EGLN3: variants seen among roughly 807,000 people sequenced by gnomAD.
The protein encoded by EGLN3 is prolyl hydroxylase EGLN3.
A neutral mutation model predicts 26.0 loss-of-function variants in EGLN3; 15 were observed. The observed-to-expected ratio is 0.58, with a 90% CI of 0.39 to 0.89. EGLN3 has a LOEUF of 0.89. Ranked by LOEUF, EGLN3 falls within the 40% of genes least tolerant of loss-of-function variation. The pLI, the probability that EGLN3 is intolerant of heterozygous loss-of-function variation, is 0.00. For missense variants in EGLN3, 238 were observed against 311.6 expected (o/e 0.76, Z 1.78); for synonymous variants, 147 against 127.2 (o/e 1.16, Z -1.05).
At chr14:33,936,758 G>T (rs1363275308) in intron 1 of EGLN3, among the ~76,000 whole-genome samples, 1 of 138,266 alleles carries the variant, frequency 7.2e-6, no homozygotes, top group Non-Finnish European at 1.6e-5. Flanking sequence ...CATACTGGAG[G>T]AAAGGCTGGA....
At chr14:33,936,781 C>G (rs1199613670) in intron 1 of EGLN3, among the ~76,000 whole-genome samples, 1 of 145,428 alleles carries the variant, frequency 6.9e-6, no homozygotes, top group Non-Finnish European at 1.5e-5. Context: ...AAAAAAAAAA[C>G]AAAACCTGAA....
intron 1 of EGLN3, chr14:33,949,457 C>T (rs1289389627): frequency 6.6e-6 from 1 of 152,256 alleles, no homozygotes; most frequent in African/African-American, 2.4e-5. Context: ...CTGAACGTCC[C>T]TTGACCACAC....
chr14:33,949,941 A>C, intron 1 of EGLN3: 1 of 255,358 alleles, frequency 3.9e-6, no homozygotes, highest in East Asian at 7.8e-5. Context: ...AACTGCCTCC[A>C]GAATTCTGAG....
intron 1 of EGLN3, among the ~76,000 whole-genome samples, chr14:33,947,912 G>A (rs183329273): frequency 1.1e-3 from 167 of 152,196 alleles, no homozygotes; most frequent in Admixed American, 2.7e-3. Flanking sequence ...TAGCTGGGCA[G>A]GGTGGCGTGC....
chr14:33,929,583 C>T (rs2064387237), intron 2 of EGLN3, among the ~76,000 whole-genome samples: 1 of 152,200 alleles, frequency 6.6e-6, no homozygotes, highest in Non-Finnish European at 1.5e-5. Flanking sequence ...AACTCCCGAC[C>T]TCAGGTGATC....
chr14:33,933,534 A>G (rs1325216076), intron 1 of EGLN3, among the ~76,000 whole-genome samples: 1 of 152,162 alleles, frequency 6.6e-6, no homozygotes, highest in African/African-American at 2.4e-5. Context: ...CAGAAACCAC[A>G]TGCATCAAGT....
chr14:33,930,443 GAA>G (rs2064394468), intron 2 of EGLN3, among the ~76,000 whole-genome samples: 1 of 152,186 alleles, frequency 6.6e-6, no homozygotes, highest in Non-Finnish European at 1.5e-5. Flanking sequence ...AAATAAGCTT[GAA>G]AAGTTATCTG....
rs557520292 is a variant in EGLN3, at chr14:33,929,229, AG to A, written c.478-18del. ...ACCATGTAGCTGAAAGACACAAAGAAGGGGGATTATTTCTTACCTCTCATGT... is the reference window on the plus strand; with the variant it reads ...ACCATGTAGCTGAAAGACACAAAGAAGGGGATTATTTCTTACCTCTCATGT... On this transcript the variant is annotated intron_variant, in intron 2 of 4. Coordinates refer to ENST00000250457, the MANE Select transcript of EGLN3 (RefSeq NM_022073.4). 478 of 1,613,572 alleles carry A rather than the reference AG, an allele frequency of 3.0e-4. No homozygotes were observed. The African/African-American group carries it at 4.5e-3, about 15-fold the overall frequency.
At chr14:33,934,571 T>A (rs557594463) in intron 1 of EGLN3, among the ~76,000 whole-genome samples, 1 of 151,338 alleles carries the variant, frequency 6.6e-6, no homozygotes, top group East Asian at 2.0e-4. Context: ...TTGAATGCCA[T>A]CAACCGCAGC....
chr14:33,943,743 C>T (rs1029133906), intron 1 of EGLN3, among the ~76,000 whole-genome samples: 4 of 152,168 alleles, frequency 2.6e-5, no homozygotes, highest in East Asian at 1.9e-4. Flanking sequence ...TTGGGTAGAA[C>T]GCCACCCTGA....
At chr14:33,946,641 GA>G (rs2064520434) in intron 1 of EGLN3, among the ~76,000 whole-genome samples, 1 of 152,162 alleles carries the variant, frequency 6.6e-6, no homozygotes, top group South Asian at 2.1e-4. Context: ...TCGGAAGTAG[GA>G]GAGAATAAAA....
intron 1 of EGLN3, among the ~76,000 whole-genome samples, chr14:33,945,139 A>G (rs2064508872): frequency 6.6e-6 from 1 of 152,164 alleles, no homozygotes; most frequent in African/African-American, 2.4e-5. Flanking sequence ...GGAATCCCTT[A>G]CATCCTTACA....
At chr14:33,932,376 G>C (rs925979146) in intron 1 of EGLN3, among the ~76,000 whole-genome samples, 12 of 152,220 alleles carry the variant, frequency 7.9e-5, no homozygotes, top group Middle Eastern at 6.8e-3. Context: ...TACATGTAAA[G>C]ATCCAGGCCA....
intron 1 of EGLN3, among the ~76,000 whole-genome samples, chr14:33,933,217 A>T (rs2064416400): frequency 6.6e-6 from 1 of 151,796 alleles, no homozygotes; most frequent in Non-Finnish European, 1.5e-5. Flanking sequence ...AAGATCTAAG[A>T]CTTGATCTAA....
chr14:33,932,243 T>C (rs1177752200), intron 1 of EGLN3, among the ~76,000 whole-genome samples: 1 of 152,200 alleles, frequency 6.6e-6, no homozygotes, highest in Non-Finnish European at 1.5e-5. Context: ...ACAGAAGGTG[T>C]CCATCTAAAA....
In EGLN3 at chr14:33,924,941, T is replaced by TAAAAAAAAAAAAAA. The variant is rs35754061; in HGVS notation, c.*936_*949dup. The TAAAAAAAAAAAAAA allele has an allele frequency of 9.7e-6, 1 of 103,354 alleles. No individual in the cohort carries two copies. Among genetic ancestry groups the TAAAAAAAAAAAAAA allele is most frequent in the African/African-American group, 3.8e-5 (1 of 26,590 alleles). 6.4% of individuals were successfully genotyped at this position (103,354 alleles called of 1,614,324 possible). ...GGGTGAGCTCATTAAAAAGGAAAAC[T>TAAAAAAAAAAAAAA]AAAAAAAAAAAAAAAAAAAAAACAG... On this transcript the variant is annotated 3_prime_UTR_variant, in exon 5 of 5. Coordinates refer to ENST00000250457, the MANE Select transcript of EGLN3 (RefSeq NM_022073.4).
intron 1 of EGLN3, among the ~76,000 whole-genome samples, chr14:33,939,868 C>CA (rs1778530244): frequency 6.6e-6 from 1 of 152,186 alleles, no homozygotes; most frequent in Non-Finnish European, 1.5e-5. Context: ...TTTACCAACT[C>CA]AGTTTATCTA....
At chr14:33,926,154 T>C (rs1326668180) in intron 4 of EGLN3, among the ~76,000 whole-genome samples, 2 of 152,224 alleles carry the variant, frequency 1.3e-5, no homozygotes, top group African/African-American at 4.8e-5. Context: ...CCTCTTGGGC[T>C]AATGCTGAGC....
intron 1 of EGLN3, among the ~76,000 whole-genome samples, chr14:33,935,497 A>T (rs1239749378): frequency 6.6e-6 from 1 of 151,994 alleles, no homozygotes; most frequent in Non-Finnish European, 1.5e-5. Flanking sequence ...AAATCTTCAG[A>T]TTTTATGAGA....
Sources: allele counts gnomAD v4.1 joint callset (sites outside exome capture counted in the v4.1 genomes callset), GRCh38; gene constraint gnomAD v4.1.1; transcripts MANE v1.5; gene names NCBI Gene and HGNC (gene_info 2026-07-23, HGNC 2026-07-21).